FBXL20: variants seen among roughly 807,000 people sequenced by gnomAD.
FBXL20 encodes the protein F-box/LRR-repeat protein 20.
Under a neutral mutation model 64.0 loss-of-function variants are expected in FBXL20, and 11 were observed. The ratio of observed to expected loss-of-function variants is 0.17; its 90% CI spans 0.11 to 0.28. The LOEUF is 0.28. FBXL20 is among the 10% of genes least tolerant of loss of function. The probability of loss-of-function intolerance (pLI) is 1.00; values close to 1 mark genes in which losing one functional copy is unlikely to be tolerated. For synonymous variants in FBXL20, 184 were observed against 189.0 expected (o/e 0.97, Z 0.22); for missense variants, 303 against 526.2 (o/e 0.58, Z 4.15).
Position 39,261,497 on chromosome 17 carries a change from C to T in FBXL20, c.1274G>A (p.Ser425Asn), listed in dbSNP as rs2046745027. Residue 425 changes from serine to asparagine, a missense_variant, in exon 15 of 15, where the codon AGC (serine) becomes AAC (asparagine). By Grantham distance (46) the Ser-to-Asn change is conservative. Transcript: ENST00000264658. ...GCAGCATCTGCAGAAGCGCTGTCTG[C>T]TGCCCCCTACTGATGGGGGTGGAGT... ...PVTPPPSVGGSRQRFCRCCII... is the reference protein window; with the variant it reads ...PVTPPPSVGGNRQRFCRCCII... The T allele has an allele frequency of 6.2e-7, 1 of 1,613,876 alleles. No individual in the cohort carries two copies. Among genetic ancestry groups the T allele is most frequent in the African/African-American group, 1.3e-5 (1 of 74,926 alleles).
At chr17:39,345,356 T>C (rs1466746726) in intron 1 of FBXL20, among the ~76,000 whole-genome samples, 4 of 152,084 alleles carry the variant, frequency 2.6e-5, no homozygotes, top group Non-Finnish European at 5.9e-5. Flanking sequence ...GTATCTAAAT[T>C]GAGCTTAAAA....
At chr17:39,352,778 A>G (rs1157735805) in intron 1 of FBXL20, among the ~76,000 whole-genome samples, 1 of 152,146 alleles carries the variant, frequency 6.6e-6, no homozygotes, top group Non-Finnish European at 1.5e-5. Context: ...AGTACTAAAC[A>G]GGAAATTAAA....
Position 39,257,566 on chromosome 17 carries a change from A to G in FBXL20, c.*3894T>C, listed in dbSNP as rs910504465. 5 of 152,278 alleles carry G rather than the reference A, an allele frequency of 3.3e-5. No homozygotes were observed. Among genetic ancestry groups the G allele is most frequent in the African/African-American group, 1.2e-4 (5 of 41,480 alleles). The allele number at this position is 152,278 out of a possible 1,614,324, so 9.4% of individuals were successfully genotyped here. A position where few individuals can be genotyped will look rare whatever the true frequency, so the allele number is the denominator to read the frequency against. ...AAAGCACAATATGCTTTCATATTCC[A>G]AATATTGGAAAAAGGGCTAAGGCCA... On this transcript the variant is annotated 3_prime_UTR_variant, in exon 15 of 15. Coordinates refer to ENST00000264658, the MANE Select transcript of FBXL20 (RefSeq NM_032875.3).
At chr17:39,278,409 G>C (rs1406049985) in intron 9 of FBXL20, among the ~76,000 whole-genome samples, 2 of 152,080 alleles carry the variant, frequency 1.3e-5, no homozygotes, top group Admixed American at 6.6e-5. Context: ...GCCTCCCAAA[G>C]TGCTGGGATT....
At chr17:39,323,357 A>G (rs1015665773) in intron 2 of FBXL20, among the ~76,000 whole-genome samples, 2 of 152,164 alleles carry the variant, frequency 1.3e-5, no homozygotes, top group Admixed American at 6.6e-5. Context: ...TGTGTCAGAG[A>G]GGAAATTCAG....
At chr17:39,287,968 C>CT (rs34161800) in intron 6 of FBXL20, among the ~76,000 whole-genome samples, 29,183 of 123,788 alleles carry the variant, frequency 0.24, 4,741 homozygotes, top group African/African-American at 0.42. Flanking sequence ...GTAATGAAAA[C>CT]TTTTTTTTTT....
chr17:39,364,117 TG>T (rs1464565190), intron 1 of FBXL20, among the ~76,000 whole-genome samples: 3 of 152,054 alleles, frequency 2.0e-5, no homozygotes, highest in African/African-American at 4.8e-5. Context: ...CTCGAACTCC[TG>T]GCCTCAAGTG....
chr17:39,302,998 G>A lies in FBXL20; in HGVS notation c.159+587C>T, dbSNP rs866384813. Among the ~76,000 whole-genome samples the A allele has an allele frequency of 2.0e-5, 3 of 150,082 alleles. No homozygotes were observed. In the South Asian group the frequency reaches 6.4e-4, roughly 32 times the overall value. ...GTGATCTCGGCTCACTGCAAGCTCC[G>A]ATTCTGCATTAACTGTGAATCTTAC... On this transcript the variant is annotated intron_variant, in intron 3 of 14. Coordinates refer to ENST00000264658, the MANE Select transcript of FBXL20 (RefSeq NM_032875.3).
chr17:39,282,681 T>C, intron 8 of FBXL20, 48 bp downstream of exon 8: 3 of 1,613,194 alleles, frequency 1.9e-6, no homozygotes, highest in Non-Finnish European at 2.5e-6. Flanking sequence ...GAGCTCATGA[T>C]TCATTCACGA....
At chr17:39,329,050 C>G (rs569274856) in intron 2 of FBXL20, among the ~76,000 whole-genome samples, 1 of 151,378 alleles carries the variant, frequency 6.6e-6, no homozygotes, top group Admixed American at 6.6e-5. Context: ...AAGACTCTGT[C>G]AAAAATAAAA....
At chr17:39,342,115 G>A (rs2047588416) in intron 2 of FBXL20, among the ~76,000 whole-genome samples, 1 of 152,114 alleles carries the variant, frequency 6.6e-6, no homozygotes, top group African/African-American at 2.4e-5. Context: ...ACCCCTGTCT[G>A]ATCATGAGGG....
intron 1 of FBXL20, among the ~76,000 whole-genome samples, chr17:39,397,988 C>T (rs116231070): frequency 0.012 from 1,568 of 135,072 alleles, 15 homozygotes; most frequent in Non-Finnish European, 0.017. Context: ...AGGTAACTAG[C>T]CGGGTGCGGT....
intron 1 of FBXL20, among the ~76,000 whole-genome samples, chr17:39,365,177 G>T (rs1317589942): frequency 1.3e-5 from 2 of 152,080 alleles, no homozygotes; most frequent in Non-Finnish European, 1.5e-5. Flanking sequence ...AGCTGCAGAA[G>T]ATTTTTTAAA....
chr17:39,401,018 T>C (rs1713508417), intron 1 of FBXL20, among the ~76,000 whole-genome samples: 1 of 152,120 alleles, frequency 6.6e-6, no homozygotes, highest in South Asian at 2.1e-4. Flanking sequence ...CAGGCTCTGG[T>C]GGACCGGAGC....
intron 2 of FBXL20, among the ~76,000 whole-genome samples, chr17:39,315,829 CAGAGAGAGAGAGAGAG>C (rs141728220): frequency 0.019 from 2,484 of 129,764 alleles, 103 homozygotes; most frequent in East Asian, 0.12. Flanking sequence ...GAGAGAGAGA[CAGAGAGAGAGAGAGAG>C]AGAGAGAGAG....
rs1014571054 is a variant in FBXL20, at chr17:39,324,021, C to G, written c.104+19159G>C. Among the ~76,000 whole-genome samples, 10 of 140,774 alleles carry G rather than the reference C, an allele frequency of 7.1e-5. 1 individual carries two copies. Among genetic ancestry groups the G allele is most frequent in the East Asian group, 2.1e-4 (1 of 4,654 alleles). 92.4% of individuals were successfully genotyped at this position (140,774 alleles called of 152,430 possible). ...CCTCGTGATCCAACCCCCTCCCCCC[C>G]CCACCCCCTGGCCTCCCAAAGTGCT... On this transcript the variant is annotated intron_variant, in intron 2 of 14. Coordinates refer to ENST00000264658, the MANE Select transcript of FBXL20 (RefSeq NM_032875.3).
intron 2 of FBXL20, among the ~76,000 whole-genome samples, chr17:39,310,716 T>G (rs956743954): frequency 1.3e-5 from 2 of 152,058 alleles, no homozygotes; most frequent in Non-Finnish European, 2.9e-5. Context: ...CTGGGCTTGG[T>G]GGCTCAAGCC....
intron 14 of FBXL20, 129 bp downstream of exon 14, chr17:39,264,046 T>A: frequency 9.6e-7 from 1 of 1,041,968 alleles, no homozygotes; most frequent in Non-Finnish European, 1.4e-6. Context: ...TGCACTTTTT[T>A]CTCTTTCCCT....
intron 1 of FBXL20, among the ~76,000 whole-genome samples, chr17:39,373,809 C>T (rs912003118): frequency 6.6e-6 from 1 of 152,186 alleles, no homozygotes; most frequent in African/African-American, 2.4e-5. Context: ...GTTGGATTAA[C>T]TGATTGAAGG....
Sources: gnomAD v4.1 joint callset for allele counts (sites outside exome capture counted in the v4.1 genomes callset) on GRCh38, gnomAD v4.1.1 for gene constraint, MANE v1.5 for transcripts, NCBI Gene and HGNC (gene_info 2026-07-23, HGNC 2026-07-21) for gene names.